Variants in THOC2 observed in about 807,000 individuals in gnomAD.
The protein encoded by THOC2 is THO complex 2.
THOC2 carries 10 observed loss-of-function variants against 128.4 expected under a neutral mutation model. The observed-to-expected ratio is 0.08, with a 90% CI of 0.05 to 0.13. The LOEUF (loss-of-function observed/expected upper bound fraction) is 0.13. Ranked by LOEUF, THOC2 falls within the 10% of genes least tolerant of loss-of-function variation. The pLI is 1.00. For missense variants in THOC2, 535 were observed against 1,155.7 expected (o/e 0.46, Z 7.79); for synonymous variants, 393 against 396.9 (o/e 0.99, Z 0.12).
intron 12 of THOC2, among the ~76,000 whole-genome samples, chrX:123,649,025 C>T (rs1374985446): frequency 8.9e-6 from 1 of 112,287 alleles, no homozygotes; most frequent in Non-Finnish European, 1.9e-5. Flanking sequence ...GACTGAGAGA[C>T]ACTTCCCAGC....
chrX:123,630,280 T>C (rs1306184010), intron 22 of THOC2, among the ~76,000 whole-genome samples: 4 of 111,649 alleles, frequency 3.6e-5, no homozygotes, highest in African/African-American at 6.5e-5. Context: ...TCCACAATTA[T>C]TGCTGTACTT....
chrX:123,711,636 A>G (rs1312127213), intron 2 of THOC2, among the ~76,000 whole-genome samples: 1 of 110,671 alleles, frequency 9.0e-6, no homozygotes, highest in African/African-American at 3.3e-5. Context: ...ATACAAAATT[A>G]GCCAGGCATG....
chrX:123,713,992 A>G (rs2051305966), intron 1 of THOC2, among the ~76,000 whole-genome samples: 1 of 111,931 alleles, frequency 8.9e-6, no homozygotes, highest in Admixed American at 9.6e-5. Flanking sequence ...ATATTAAGAG[A>G]TACCATAGGG....
At chrX:123,643,195 T>C (rs1244249250) in intron 15 of THOC2, among the ~76,000 whole-genome samples, 1 of 110,706 alleles carries the variant, frequency 9.0e-6, no homozygotes, top group Non-Finnish European at 1.9e-5. Flanking sequence ...GAGAGAGTGG[T>C]ACATTTAGGG....
chrX:123,724,071 C>G (rs2051831443), intron 1 of THOC2, among the ~76,000 whole-genome samples: 1 of 111,399 alleles, frequency 9.0e-6, no homozygotes, highest in African/African-American at 3.3e-5. Flanking sequence ...CCAATGAATT[C>G]ATATAGAAGA....
intron 10 of THOC2, 41 bp downstream of exon 10, chrX:123,668,118 T>C (rs1249687518): frequency 3.1e-5 from 31 of 989,629 alleles, no homozygotes; most frequent in Non-Finnish European, 4.1e-5. Context: ...TAATTCAAAA[T>C]CCAGAAGATA....
At position 123,731,398 on chromosome X, in the gene THOC2, A is replaced by G. The variant is rs189307377; in HGVS notation, c.71+1554T>C. 5.3e-4 allele frequency among the ~76,000 whole-genome samples: 59 copies of G among 112,113 alleles called. 1 individual carries two copies. Among genetic ancestry groups the G allele is most frequent in the African/African-American group, 1.9e-3 (58 of 30,856 alleles). On this transcript the variant is annotated intron_variant, in intron 1 of 38. Transcript: ENST00000245838. ...CCTCCCAATTCATTACAGTGCAAGAATAAACACACATGAATAAGTCAGAGA... is the reference window on the plus strand; with the variant it reads ...CCTCCCAATTCATTACAGTGCAAGAGTAAACACACATGAATAAGTCAGAGA...
intron 1 of THOC2, among the ~76,000 whole-genome samples, chrX:123,731,470 T>G (rs1435836325): frequency 8.9e-6 from 1 of 112,275 alleles, no homozygotes; most frequent in Non-Finnish European, 1.9e-5. Flanking sequence ...GTGCATGAGC[T>G]GTCCTGAGAA....
chrX:123,706,232 T>C (rs1443734980), intron 3 of THOC2, among the ~76,000 whole-genome samples: 1 of 111,962 alleles, frequency 8.9e-6, no homozygotes, highest in East Asian at 2.8e-4. Context: ...TAAAATAATT[T>C]AATCCTCAAT....
chrX:123,614,093 T>C lies in THOC2; in HGVS notation c.4408A>G (p.Arg1470Gly), dbSNP rs747738586. ...LDKSRERSRE[R>G]EKKDEKDRKE... The stretch of plus-strand genomic sequence containing the variant: ...CTGTCCTTTTCATCTTTTTTCTCTC[T>C]TTCTCTGGATCTTTCCCTTGACTTG... The change falls in exon 34 of 39, where the codon AGA becomes GGA. Residue 1470 changes from arginine to glycine, a missense_variant. This residue lies in a region of THOC2 where 39 missense variants were observed against 93.1 expected (regional missense o/e 0.42). Coordinates refer to ENST00000245838, the MANE Select transcript of THOC2 (RefSeq NM_001081550.2). 4 of 1,208,282 alleles carry C rather than the reference T, an allele frequency of 3.3e-6. No individual in the cohort carries two copies. Among genetic ancestry groups the C allele is most frequent in the Non-Finnish European group, 4.5e-6 (4 of 893,958 alleles).
chrX:123,732,497 T>C (rs1226638345), intron 1 of THOC2, among the ~76,000 whole-genome samples: 1 of 111,924 alleles, frequency 8.9e-6, no homozygotes, highest in Non-Finnish European at 1.9e-5. Flanking sequence ...CTCCTTGGAC[T>C]TCAGGCAGAG....
At chrX:123,732,411 A>G (rs2052308536) in intron 1 of THOC2, among the ~76,000 whole-genome samples, 1 of 112,422 alleles carries the variant, frequency 8.9e-6, no homozygotes, top group Non-Finnish European at 1.9e-5. Context: ...GAGGTGCCAA[A>G]CCGGGTTCTT....
In THOC2 at chrX:123,640,551, A is replaced by G; in HGVS notation, c.1733T>C (p.Ile578Thr). 1 of 1,187,745 alleles carries G rather than the reference A, an allele frequency of 8.4e-7. No homozygotes were observed. The highest frequency in any genetic ancestry group is 1.1e-6 in the Non-Finnish European group (1 of 882,250). ...CTCAAAACATACATAATCAAACAAA[A>G]TGGTTGGATTGCTGTGGCTCAACTT... ...IGKLSHSNPT[I>T]LFDYILSQIQ... The change falls in exon 16 of 39, where the codon ATT (isoleucine) becomes ACT (threonine). Residue 578 changes from isoleucine (I) to threonine (T), a missense_variant. Coordinates refer to ENST00000245838, the MANE Select transcript of THOC2 (RefSeq NM_001081550.2).
chrX:123,671,744 T>C lies in THOC2; in HGVS notation c.786A>G (p.Thr262=). Reference sequence around the variant, plus strand: ...CTGCAACTCTGTATAAAGATGATGGTGTCTCGCCATTTGGTTCCTAGAAAT... The same window carrying C: ...CTGCAACTCTGTATAAAGATGATGGCGTCTCGCCATTTGGTTCCTAGAAAT... ...FKFYQEPNGE[T]PSSLYRVAAV... The change falls in exon 9 of 39, where the codon ACA becomes ACG. Residue 262 remains threonine, a synonymous_variant. Coordinates refer to ENST00000245838, the MANE Select transcript of THOC2 (RefSeq NM_001081550.2). The C allele has an allele frequency of 8.5e-7, 1 of 1,173,648 alleles. No individual in the cohort carries two copies. Among genetic ancestry groups the C allele is most frequent in the Non-Finnish European group, 1.1e-6 (1 of 873,651 alleles).
At chrX:123,720,942 A>G (rs1470935623) in intron 1 of THOC2, among the ~76,000 whole-genome samples, 1 of 111,413 alleles carries the variant, frequency 9.0e-6, no homozygotes, top group Non-Finnish European at 1.9e-5. Context: ...TATAATGGAT[A>G]TAAAGTTCAG....
intron 20 of THOC2, among the ~76,000 whole-genome samples, chrX:123,633,677 T>C (rs750101979): frequency 7.8e-4 from 88 of 112,149 alleles, no homozygotes; most frequent in Middle Eastern, 9.1e-3. Flanking sequence ...ATGTTGGGAT[T>C]ATAAGCGTGA....
At chrX:123,603,725 C>A in intron 38 of THOC2, 1 of 397,744 alleles carries the variant, frequency 2.5e-6, no homozygotes, top group East Asian at 4.4e-5. Flanking sequence ...GGGAGACTTT[C>A]GGCTTAGGGG....
chrX:123,628,912 C>T (rs1156927671), intron 22 of THOC2, among the ~76,000 whole-genome samples: 2 of 109,001 alleles, frequency 1.8e-5, no homozygotes, highest in African/African-American at 6.7e-5. Flanking sequence ...ACTGCTAAGC[C>T]AAATAAATTT....
At chrX:123,698,375 T>A (rs996703482) in intron 4 of THOC2, among the ~76,000 whole-genome samples, 2 of 108,323 alleles carry the variant, frequency 1.8e-5, no homozygotes, top group Non-Finnish European at 1.9e-5. Flanking sequence ...GGAGAATCGC[T>A]TGAACCCGGG....
Sources: gnomAD v4.1 joint callset for allele counts (sites outside exome capture counted in the v4.1 genomes callset) on GRCh38, gnomAD v4.1.1 for gene constraint, gnomAD v4.1.1 regional missense constraint, MANE v1.5 for transcripts, NCBI Gene and HGNC (gene_info 2026-07-23, HGNC 2026-07-21) for gene names.